The following DLGAP2 variants were observed in gnomAD, a reference collection of about 807,000 sequenced individuals.
DLGAP2 encodes DLG associated protein 2.
A neutral mutation model predicts 100.3 loss-of-function variants in DLGAP2; 26 were observed. The observed-to-expected ratio is 0.26, with a 90% CI of 0.19 to 0.36. The LOEUF (loss-of-function observed/expected upper bound fraction) is 0.36, where lower values mean the gene tolerates loss of function less well. DLGAP2 is among the 10% of genes least tolerant of loss of function. The pLI, the probability that DLGAP2 is intolerant of heterozygous loss-of-function variation, is 1.00. For synonymous variants in DLGAP2, 886 were observed against 630.1 expected (o/e 1.41, Z -6.08); for missense variants, 1,858 against 1,453.2 (o/e 1.28, Z -4.53).
intron 5 of DLGAP2, among the ~76,000 whole-genome samples, chr8:1,552,417 T>A (rs772672360): frequency 3.9e-5 from 6 of 152,236 alleles, no homozygotes; most frequent in Non-Finnish European, 8.8e-5. Flanking sequence ...TGGTTGCTGC[T>A]GGACCCCTCA....
intron 3 of DLGAP2, among the ~76,000 whole-genome samples, chr8:1,295,341 C>G (rs887935523): frequency 1.1e-4 from 16 of 152,212 alleles, no homozygotes; most frequent in Admixed American, 7.2e-4. Context: ...TCCTGGTGAC[C>G]GTGGGCCCGG....
At chr8:948,218 T>C (rs1799381190) in intron 2 of DLGAP2, among the ~76,000 whole-genome samples, 1 of 152,096 alleles carries the variant, frequency 6.6e-6, no homozygotes, top group African/African-American at 2.4e-5. Context: ...TCACTTTGAT[T>C]TGGGGCATAG....
intron 2 of DLGAP2, among the ~76,000 whole-genome samples, chr8:915,314 G>A (rs968660449): frequency 9.2e-5 from 14 of 152,188 alleles, no homozygotes; most frequent in African/African-American, 2.4e-4. Context: ...TTGGGAGGCC[G>A]AGGTGGGTGG....
rs534480511 is a variant in DLGAP2 at position 1,468,750 on chromosome 8, A to T, written c.107-32616A>T. 7.4e-3 allele frequency among the ~76,000 whole-genome samples: 1,124 copies of T among 152,262 alleles called. 14 individuals are homozygous for T. Among genetic ancestry groups the T allele is most frequent in the African/African-American group, 0.026 (1,065 of 41,544 alleles). On this transcript the variant is annotated intron_variant, in intron 3 of 14. Transcript: ENST00000637795. ...CGCCATTCTGGATGCCAGAAGACCA[A>T]AGCTGAGGCATGGGCAGAGCTGCAC...
intron 1 of DLGAP2, among the ~76,000 whole-genome samples, chr8:876,741 C>T (rs748209668): frequency 5.3e-5 from 8 of 152,074 alleles, no homozygotes; most frequent in Non-Finnish European, 8.8e-5. Flanking sequence ...CTTTCTCTTA[C>T]CTCCTTCTGA....
At chr8:776,506 C>G (rs1286559720) in intron 1 of DLGAP2, among the ~76,000 whole-genome samples, 1 of 152,192 alleles carries the variant, frequency 6.6e-6, no homozygotes, top group Non-Finnish European at 1.5e-5. Flanking sequence ...AAATTTACCT[C>G]TACACACTGC....
Position 785,037 on chromosome 8 carries a change from C to G in DLGAP2, c.18+47212C>G, listed in dbSNP as rs185058373. On this transcript the variant is annotated intron_variant, in intron 1 of 14. Transcript: ENST00000637795. ...CCTGGCTAACATGGTGAAACCCCCT[C>G]TCTACTAAAAATACAAAACAATACA... 8.8e-3 allele frequency among the ~76,000 whole-genome samples: 1,336 copies of G among 151,874 alleles called. 87 individuals carry two copies. The highest frequency in any genetic ancestry group is 0.081 in the Admixed American group (1,233 of 15,274).
intron 4 of DLGAP2, among the ~76,000 whole-genome samples, chr8:1,517,083 G>T (rs141043148): frequency 1.3e-5 from 2 of 152,168 alleles, no homozygotes; most frequent in East Asian, 3.9e-4. Context: ...CATCTTGAAG[G>T]CCGCAGCCTC....
At chr8:1,525,526 A>G (rs1254125320) in intron 4 of DLGAP2, among the ~76,000 whole-genome samples, 2 of 152,246 alleles carry the variant, frequency 1.3e-5, no homozygotes, top group African/African-American at 4.8e-5. Flanking sequence ...TGCGGTCCTC[A>G]GAAAATGGAA....
chr8:1,249,946 T>A (rs911233157), intron 2 of DLGAP2, among the ~76,000 whole-genome samples: 6 of 152,262 alleles, frequency 3.9e-5, no homozygotes, highest in African/African-American at 1.4e-4. Flanking sequence ...AGTGGCGTGA[T>A]CTCAGCTCAC....
chr8:773,809 C>T (rs1473203654), intron 1 of DLGAP2, among the ~76,000 whole-genome samples: 1 of 152,150 alleles, frequency 6.6e-6, no homozygotes, highest in Non-Finnish European at 1.5e-5. Context: ...AATAAACATA[C>T]ATGTGCATGT....
chr8:1,537,924 G>T (rs546455132), intron 4 of DLGAP2, among the ~76,000 whole-genome samples: 10 of 152,322 alleles, frequency 6.6e-5, no homozygotes, highest in Non-Finnish European at 1.2e-4. Context: ...CTCTTACAAT[G>T]GGTCTTAAAG....
At chr8:979,980 G>A (rs1316849844) in intron 2 of DLGAP2, among the ~76,000 whole-genome samples, 2 of 152,196 alleles carry the variant, frequency 1.3e-5, no homozygotes, top group Non-Finnish European at 2.9e-5. Flanking sequence ...GAGCTGCTAA[G>A]GGGAGATGTC....
chr8:1,475,981 T>G (rs9314428), intron 3 of DLGAP2, among the ~76,000 whole-genome samples: 1 of 151,998 alleles, frequency 6.6e-6, no homozygotes, highest in South Asian at 2.1e-4. Flanking sequence ...CAAGTTTAAT[T>G]TTGCTGGAGG....
chr8:1,302,908 C>A (rs1350204910), intron 3 of DLGAP2, among the ~76,000 whole-genome samples: 1 of 152,260 alleles, frequency 6.6e-6, no homozygotes, highest in Non-Finnish European at 1.5e-5. Flanking sequence ...TAACTCGCCT[C>A]CTTCTGCCGT....
chr8:995,418 TTAAC>T (rs2129016885), intron 2 of DLGAP2, among the ~76,000 whole-genome samples: 1 of 152,376 alleles, frequency 6.6e-6, no homozygotes, highest in Non-Finnish European at 1.5e-5. Context: ...ATGTTTCTAA[TTAAC>T]AGTGATTTAT....
intron 3 of DLGAP2, among the ~76,000 whole-genome samples, chr8:1,467,579 T>C (rs11987128): frequency 0.23 from 34,814 of 152,022 alleles, 4,572 homozygotes; most frequent in African/African-American, 0.34. Flanking sequence ...GGGCATTTGG[T>C]GTGCACAGAG....
rs552590280 is a variant in DLGAP2, at chr8:1,703,715, C to T, written c.*2309C>T. 2.6e-5 allele frequency: 4 copies of T among 152,332 alleles called. No individual in the cohort carries two copies. The highest frequency in any genetic ancestry group is 6.5e-5 in the Admixed American group (1 of 15,300). The allele number at this position is 152,332 out of a possible 1,614,324, so 9.4% of individuals were successfully genotyped here. A position where few individuals can be genotyped will look rare whatever the true frequency, so the allele number is the denominator to read the frequency against. ...GTCAATAATTATTTGTCTCAGATCC[C>T]AGATTCTATGATCCCTGCTTAAAAG... On this transcript the variant is annotated 3_prime_UTR_variant, in exon 15 of 15. Transcript: ENST00000637795.
chr8:1,232,790 T>G (rs34866202), intron 2 of DLGAP2, among the ~76,000 whole-genome samples: 65,559 of 152,162 alleles, frequency 0.43, 15,600 homozygotes, highest in Middle Eastern at 0.57. Context: ...GTAACTTTAT[T>G]GAAGTGTAGT....
Sources: allele counts gnomAD v4.1 joint callset (sites outside exome capture counted in the v4.1 genomes callset), GRCh38; gene constraint gnomAD v4.1.1; transcripts MANE v1.5; gene names NCBI Gene and HGNC (gene_info 2026-07-23, HGNC 2026-07-21).